The following TSPAN15 variants were observed in gnomAD, a reference collection of about 807,000 sequenced individuals.
The protein encoded by TSPAN15 is tetraspanin 15.
TSPAN15 carries 20 observed loss-of-function variants against 34.5 expected under a neutral mutation model. That is an observed-to-expected ratio of 0.58 (90% CI 0.41 to 0.84). TSPAN15 has a LOEUF of 0.84. Among genes scored for constraint, TSPAN15 ranks in the 40% least tolerant of loss-of-function variants. The pLI, the probability that TSPAN15 is intolerant of heterozygous loss-of-function variation, is 0.00. For missense variants in TSPAN15, 313 were observed against 386.1 expected (o/e 0.81, Z 1.59); for synonymous variants, 155 against 153.9 (o/e 1.01, Z -0.05).
At chr10:69,470,908 G>C (rs10998813) in intron 1 of TSPAN15, among the ~76,000 whole-genome samples, 9,429 of 151,922 alleles carry the variant, frequency 0.062, 1,015 homozygotes, top group African/African-American at 0.22. Flanking sequence ...GCTGTTTCTT[G>C]AAAACACAGG....
In TSPAN15 at chr10:69,507,663, T is replaced by G. The variant is rs1652803; in HGVS notation, c.*685T>G. ...ACAATAAAAACATGTTTTTTTTTTT[T>G]TTTTTTTTTTGCCTTTCCTGTGTGC... On this transcript the variant is annotated 3_prime_UTR_variant, in exon 8 of 8. Coordinates refer to ENST00000373290, the MANE Select transcript of TSPAN15 (RefSeq NM_012339.5). The G allele has an allele frequency of 0.18, 218,705 of 1,247,218 alleles. 16,613 individuals carry two copies. The highest frequency in any genetic ancestry group is 0.45 in the African/African-American group (27,434 of 61,314). The allele number at this position is 1,247,218 out of a possible 1,614,324, so 77.3% of individuals were successfully genotyped here.
intron 1 of TSPAN15, among the ~76,000 whole-genome samples, chr10:69,460,102 C>T (rs1446024691): frequency 2.0e-5 from 3 of 151,968 alleles, no homozygotes; most frequent in Non-Finnish European, 2.9e-5. Context: ...AGAGGAGGCT[C>T]CTTTGCCCCT....
At chr10:69,515,067 C>T in the TSPAN15 span, among the ~76,000 whole-genome samples, 205 of 152,344 alleles carry the variant, frequency 1.3e-3, 2 homozygotes, top group African/African-American at 4.8e-3. Context: ...TGTGGCATTT[C>T]TCAGCTTCTT....
At chr10:69,525,783 T>A in the TSPAN15 span, among the ~76,000 whole-genome samples, 1 of 140,984 alleles carries the variant, frequency 7.1e-6, no homozygotes, top group South Asian at 2.2e-4. Context: ...ATCGCACCAC[T>A]GCACTCCAGC....
intron 1 of TSPAN15, among the ~76,000 whole-genome samples, chr10:69,471,659 A>G (rs777844849): frequency 2.7e-5 from 4 of 148,556 alleles, no homozygotes; most frequent in African/African-American, 2.5e-5. Context: ...CAGTATTGCA[A>G]TCTCGGCTCA....
chr10:69,504,855 C>T (rs1265527405), intron 6 of TSPAN15, among the ~76,000 whole-genome samples: 2 of 152,162 alleles, frequency 1.3e-5, no homozygotes. Context: ...GGATGGTAAC[C>T]CCCTCTGGGG....
At chr10:69,485,248 T>C in intron 3 of TSPAN15, 33 bp downstream of exon 3, 1 of 1,603,738 alleles carries the variant, frequency 6.2e-7, no homozygotes, top group Non-Finnish European at 8.5e-7. Context: ...CGGCCATGTG[T>C]GTATGGAGCA....
At chr10:69,467,957 G>A (rs1009695224) in intron 1 of TSPAN15, among the ~76,000 whole-genome samples, 1 of 152,116 alleles carries the variant, frequency 6.6e-6, no homozygotes, top group Non-Finnish European at 1.5e-5. Context: ...AGCATCTGGG[G>A]TCCTGATGGG....
intron 1 of TSPAN15, among the ~76,000 whole-genome samples, chr10:69,452,049 G>C (rs980459138): frequency 6.6e-6 from 1 of 152,274 alleles, no homozygotes; most frequent in South Asian, 2.1e-4. Context: ...CTCTGCATCG[G>C]CCTGTGGAGC....
At chr10:69,523,268 A>C in the TSPAN15 span, 1 of 342,766 alleles carries the variant, frequency 2.9e-6, no homozygotes, top group South Asian at 4.1e-5. Flanking sequence ...CAACTCTCAA[A>C]AAATTGCCCC....
rs1381936914 is a variant in TSPAN15 at position 69,506,255 on chromosome 10, G to C, written c.735+15G>C. 1 of 1,611,858 alleles carries C rather than the reference G, an allele frequency of 6.2e-7. No individual in the cohort carries two copies. The highest frequency in any genetic ancestry group is 2.2e-5 in the East Asian group (1 of 44,870). On this transcript the variant is annotated intron_variant, in intron 7 of 7. Coordinates refer to ENST00000373290, the MANE Select transcript of TSPAN15 (RefSeq NM_012339.5). This position sits in a 1 kb window ranked among gnomAD's most constrained non-coding sequence, Gnocchi z 4.7. ...TGCTTCCCCAGGTGGGCAGGCCGTG[G>C]GTTCAGAGAAAGTGTGACTTGGTGA...
intron 1 of TSPAN15, among the ~76,000 whole-genome samples, chr10:69,461,988 A>G (rs1198024622): frequency 7.7e-6 from 1 of 129,636 alleles, no homozygotes; most frequent in African/African-American, 2.9e-5. Context: ...ACCCGTAATT[A>G]AAAAAAAAAA....
chr10:69,466,944 G>A lies in TSPAN15; in HGVS notation c.96+15254G>A, dbSNP rs549479318. On this transcript the variant is annotated intron_variant, in intron 1 of 7. Transcript: ENST00000373290. ...GCCAGCATTGTGCAGCTCGTAAGTG[G>A]CCCAGCGCCTGCAGCTGGCCTGGGC... Among the ~76,000 whole-genome samples, 10 of 152,296 alleles carry A rather than the reference G, an allele frequency of 6.6e-5. No individual in the cohort carries two copies. The South Asian group carries it at 1.7e-3, about 25-fold the overall frequency.
the TSPAN15 span, among the ~76,000 whole-genome samples, chr10:69,517,427 C>T: frequency 6.6e-6 from 1 of 152,242 alleles, no homozygotes. Context: ...GTTTTTATGA[C>T]TGGCCTTAGC....
intron 1 of TSPAN15, among the ~76,000 whole-genome samples, chr10:69,460,063 A>AGATGT: frequency 8.2e-6 from 1 of 122,130 alleles, no homozygotes; most frequent in South Asian, 2.6e-4. Context: ...AGATGAGATG[A>AGATGT]GATGAGAACC....
intron 1 of TSPAN15, among the ~76,000 whole-genome samples, chr10:69,469,992 C>A (rs568254078): frequency 2.0e-5 from 3 of 152,206 alleles, no homozygotes; most frequent in Non-Finnish European, 2.9e-5. Context: ...CACCTCATTC[C>A]CCAAATGTTC....
chr10:69,511,994 T>C (rs1188398933), downstream of TSPAN15, among the ~76,000 whole-genome samples: 1 of 152,106 alleles, frequency 6.6e-6, no homozygotes, highest in Non-Finnish European at 1.5e-5. Context: ...ATGTAGATGA[T>C]GGGTTGATGG....
the TSPAN15 span, among the ~76,000 whole-genome samples, chr10:69,526,446 C>T: frequency 1.4e-5 from 2 of 148,092 alleles, 1 homozygote; most frequent in Non-Finnish European, 3.0e-5. Flanking sequence ...CAGAGAAATG[C>T]AAATTAAAAC....
At chr10:69,462,155 GTTTTT>G (rs755068937) in intron 1 of TSPAN15, among the ~76,000 whole-genome samples, 103 of 82,706 alleles carry the variant, frequency 1.2e-3, no homozygotes, top group African/African-American at 4.2e-3. Context: ...TAATTTTAAA[GTTTTT>G]TTTTTTTTTT....
Sources: gnomAD v4.1 joint callset for allele counts (sites outside exome capture counted in the v4.1 genomes callset) on GRCh38, gnomAD v4.1.1 for gene constraint, Gnocchi (gnomAD v3.1) non-coding constraint, MANE v1.5 for transcripts, NCBI Gene and HGNC (gene_info 2026-07-23, HGNC 2026-07-21) for gene names.